Variants in TLL2 observed in about 807,000 individuals in gnomAD.
TLL2 encodes tolloid-like protein 2.
TLL2 carries 106 observed loss-of-function variants against 123.0 expected under a neutral mutation model. The observed-to-expected ratio is 0.86, with a 90% CI of 0.74 to 1.01. The LOEUF (loss-of-function observed/expected upper bound fraction) is 1.01. Among genes scored for constraint, TLL2 ranks in the 50% least tolerant of loss-of-function variants. TLL2 has a pLI of 0.00. For missense variants in TLL2, 1,332 were observed against 1,336.7 expected (o/e 1.00, Z 0.06); for synonymous variants, 494 against 516.8 (o/e 0.96, Z 0.60).
At chr10:96,427,916 TC>T (rs1360513025) in intron 5 of TLL2, among the ~76,000 whole-genome samples, 1 of 152,196 alleles carries the variant, frequency 6.6e-6, no homozygotes, top group African/African-American at 2.4e-5. Context: ...TGTCTCAGCC[TC>T]CCAGGTAGCT....
intron 1 of TLL2, among the ~76,000 whole-genome samples, chr10:96,507,769 T>C (rs1266433881): frequency 2.0e-5 from 3 of 152,242 alleles, no homozygotes; most frequent in African/African-American, 7.2e-5. Context: ...CTGGCCTGCA[T>C]CAGAGCCTGT....
At chr10:96,396,578 TTTC>T (rs1448106720) in intron 11 of TLL2, among the ~76,000 whole-genome samples, 11 of 143,162 alleles carry the variant, frequency 7.7e-5, no homozygotes, top group African/African-American at 2.9e-4. Flanking sequence ...AGTTTTCCCC[TTTC>T]TTTTTTTTTT....
intron 1 of TLL2, among the ~76,000 whole-genome samples, chr10:96,492,430 C>A (rs913424928): frequency 1.3e-5 from 2 of 152,182 alleles, no homozygotes; most frequent in African/African-American, 4.8e-5. Flanking sequence ...TTGAGACCAG[C>A]CTGACCAACA....
chr10:96,397,323 C>A, intron 10 of TLL2, 21 bp from the exon 11 acceptor site: 1 of 1,596,654 alleles, frequency 6.3e-7, no homozygotes, highest in Non-Finnish European at 8.6e-7. Flanking sequence ...GAAAAAGAAG[C>A]AGTTAGGAGC....
chr10:96,507,683 C>T (rs950086842), intron 1 of TLL2, among the ~76,000 whole-genome samples: 3 of 151,620 alleles, frequency 2.0e-5, no homozygotes, highest in Non-Finnish European at 4.4e-5. Flanking sequence ...TCTTTTTTTC[C>T]CTGAGGCTCA....
Position 96,406,457 on chromosome 10 carries a change from G to A in TLL2, c.1165-1123C>T, listed in dbSNP as rs184196588. ...CTGACTCTATTCGTTTTCCAACCCC[G>A]GAGGACTTTGCTCTCAGCAGTTCCT... On this transcript the variant is annotated intron_variant, in intron 9 of 20. Coordinates refer to ENST00000357947, the MANE Select transcript of TLL2 (RefSeq NM_012465.4). Among the ~76,000 whole-genome samples the A allele has an allele frequency of 3.1e-3, 468 of 152,132 alleles. 3 individuals are homozygous for A. Among genetic ancestry groups the A allele is most frequent in the African/African-American group, 0.011 (453 of 41,480 alleles).
chr10:96,379,192 C>T, intron 16 of TLL2, 100 bp from the exon 17 acceptor site: 1 of 1,439,822 alleles, frequency 6.9e-7, no homozygotes, highest in Non-Finnish European at 9.5e-7. Flanking sequence ...TGGGAAGCCT[C>T]TCTGATTGCT....
chr10:96,473,709 T>G (rs537290279), intron 2 of TLL2, among the ~76,000 whole-genome samples: 1 of 152,144 alleles, frequency 6.6e-6, no homozygotes, highest in Non-Finnish European at 1.5e-5. Context: ...AATAAGTAAT[T>G]AAAACCATTT....
rs758104179 is a variant in TLL2 at position 96,366,538 on chromosome 10, A to G, written c.*1550T>C. 1.3e-5 allele frequency: 2 copies of G among 152,632 alleles called. No homozygotes were observed. Among genetic ancestry groups the G allele is most frequent in the African/African-American group, 4.8e-5 (2 of 41,450 alleles). 9.5% of individuals were successfully genotyped at this position (152,632 alleles called of 1,614,324 possible). On this transcript the variant is annotated 3_prime_UTR_variant, in exon 21 of 21. Transcript: ENST00000357947. Reference sequence around the variant, plus strand: ...ATGCATTTCTCTGACCTTTCTTTGTATCATTCTAGTTTTTGCTCCCAGCAA... The same window carrying G: ...ATGCATTTCTCTGACCTTTCTTTGTGTCATTCTAGTTTTTGCTCCCAGCAA...
At chr10:96,434,131 A>G (rs1054223099) in intron 3 of TLL2, among the ~76,000 whole-genome samples, 2 of 151,724 alleles carry the variant, frequency 1.3e-5, no homozygotes, top group African/African-American at 4.8e-5. Flanking sequence ...ACTTCCTTCT[A>G]TTTTCACTTG....
At chr10:96,486,057 C>A (rs146128502) in intron 1 of TLL2, among the ~76,000 whole-genome samples, 25 of 152,340 alleles carry the variant, frequency 1.6e-4, no homozygotes, top group African/African-American at 6.0e-4. Context: ...GGTCTTCCAA[C>A]TTCTGTGCTC....
intron 10 of TLL2, among the ~76,000 whole-genome samples, chr10:96,403,975 C>T (rs1185056077): frequency 4.0e-5 from 6 of 151,074 alleles, no homozygotes; most frequent in Non-Finnish European, 8.9e-5. Context: ...TTCCCTTGAA[C>T]TTAATTATGA....
At position 96,428,829 on chromosome 10, in the gene TLL2, A is replaced by T. The variant is rs1485979039; in HGVS notation, c.521-81T>A. The T allele has an allele frequency of 1.2e-5, 12 of 968,248 alleles. No individual in the cohort carries two copies. The East Asian group carries it at 3.1e-4, about 25-fold the overall frequency. The allele number at this position is 968,248 out of a possible 1,614,324, so 60.0% of individuals were successfully genotyped here. A position where few individuals can be genotyped will look rare whatever the true frequency, so the allele number is the denominator to read the frequency against. On this transcript the variant is annotated intron_variant, in intron 4 of 20. Coordinates refer to ENST00000357947, the MANE Select transcript of TLL2 (RefSeq NM_012465.4). ...TGCTTTTTTTTTTCTTTCAAGACGG[A>T]GTTTTGCCTTTGTTGCCCAGGCTGG...
intron 13 of TLL2, among the ~76,000 whole-genome samples, chr10:96,391,050 T>C (rs1399358148): frequency 6.6e-6 from 1 of 152,236 alleles, no homozygotes; most frequent in Non-Finnish European, 1.5e-5. Flanking sequence ...AGGTCACCTA[T>C]GTGGCTTCTG....
intron 9 of TLL2, among the ~76,000 whole-genome samples, chr10:96,406,728 C>T (rs1846455084): frequency 6.6e-6 from 1 of 152,146 alleles, no homozygotes; most frequent in South Asian, 2.1e-4. Context: ...TCTTGCTCCT[C>T]TGCCCTTCCC....
At chr10:96,383,793 T>G (rs1846206161) in intron 16 of TLL2, among the ~76,000 whole-genome samples, 2 of 149,008 alleles carry the variant, frequency 1.3e-5, no homozygotes, top group African/African-American at 4.9e-5. Flanking sequence ...GCTAATTTTT[T>G]TTTTTTTTTT....
At chr10:96,378,365 C>T (rs991947583) in intron 17 of TLL2, among the ~76,000 whole-genome samples, 1 of 152,198 alleles carries the variant, frequency 6.6e-6, no homozygotes, top group Non-Finnish European at 1.5e-5. Flanking sequence ...AGGCTTTTTC[C>T]AGGATGACTG....
At chr10:96,392,586 G>A (rs981501535) in intron 13 of TLL2, among the ~76,000 whole-genome samples, 3 of 152,098 alleles carry the variant, frequency 2.0e-5, no homozygotes, top group Non-Finnish European at 2.9e-5. Flanking sequence ...TATCCCCCTG[G>A]AATGGAGCCC....
At chr10:96,380,454 GGATCACGA>G (rs1846175759) in intron 16 of TLL2, among the ~76,000 whole-genome samples, 2 of 151,958 alleles carry the variant, frequency 1.3e-5, no homozygotes, top group South Asian at 4.2e-4. Context: ...CAAGGCAGGC[GGATCACGA>G]GATCAGGAGA....
Sources: gnomAD v4.1 joint callset for allele counts (sites outside exome capture counted in the v4.1 genomes callset) on GRCh38, gnomAD v4.1.1 for gene constraint, MANE v1.5 for transcripts, NCBI Gene and HGNC (gene_info 2026-07-23, HGNC 2026-07-21) for gene names.